Variants in NRXN1 observed in about 807,000 individuals in gnomAD.
NRXN1 encodes neurexin-1.
Under a neutral mutation model 150.9 loss-of-function variants are expected in NRXN1, and 39 were observed. The ratio of observed to expected loss-of-function variants is 0.26; its 90% confidence interval spans 0.20 to 0.34. NRXN1 has a LOEUF of 0.34. Among genes scored for constraint, NRXN1 ranks in the 10% least tolerant of loss-of-function variants. The pLI is 1.00. For synonymous variants in NRXN1, 924 were observed against 757.0 expected (o/e 1.22, Z -3.62); for missense variants, 1,815 against 1,949.9 (o/e 0.93, Z 1.30).
intron 8 of NRXN1, among the ~76,000 whole-genome samples, chr2:50,556,235 A>G (rs976669369): frequency 2.6e-5 from 4 of 152,178 alleles, no homozygotes; most frequent in Non-Finnish European, 5.9e-5. Flanking sequence ...ATCTAGTTCA[A>G]TTAGAATAAT....
intron 17 of NRXN1, among the ~76,000 whole-genome samples, chr2:50,388,864 TA>T (rs200719965): frequency 0.037 from 5,498 of 147,570 alleles, 238 homozygotes; most frequent in East Asian, 0.12. Context: ...AACAGCAAAG[TA>T]AAAAAAAAAA....
chr2:50,667,150 T>C (rs1258253607), intron 5 of NRXN1, among the ~76,000 whole-genome samples: 1 of 150,950 alleles, frequency 6.6e-6, no homozygotes, highest in Admixed American at 6.7e-5. Flanking sequence ...TAAATTGAAA[T>C]ATAAAGAATT....
intron 22 of NRXN1, chr2:49,926,316 A>C: frequency 5.0e-6 from 2 of 398,434 alleles, no homozygotes; most frequent in Admixed American, 4.4e-5. Flanking sequence ...AGTAGTTTTT[A>C]ATCCTTCCTC....
intron 17 of NRXN1, among the ~76,000 whole-genome samples, chr2:50,252,369 C>T (rs998139761): frequency 1.3e-5 from 2 of 149,658 alleles, no homozygotes; most frequent in Non-Finnish European, 3.0e-5. Context: ...AGTGATTCTC[C>T]TGCCTCAGCC....
chr2:50,973,356 G>A (rs1202890845), intron 2 of NRXN1, among the ~76,000 whole-genome samples: 2 of 152,094 alleles, frequency 1.3e-5, no homozygotes, highest in Admixed American at 1.3e-4. Flanking sequence ...ATTCTTACTA[G>A]GGAAGCCAAT....
intron 2 of NRXN1, among the ~76,000 whole-genome samples, chr2:51,017,358 T>G (rs1296360382): frequency 1.3e-5 from 2 of 151,080 alleles, no homozygotes; most frequent in African/African-American, 4.9e-5. Context: ...TTTTAAGAGA[T>G]AGGGTCTTGC....
chr2:50,546,229 G>C (rs2093491121), intron 9 of NRXN1, among the ~76,000 whole-genome samples: 1 of 152,132 alleles, frequency 6.6e-6, no homozygotes. Flanking sequence ...TATTGGCCTG[G>C]GAAGGCTTGA....
chr2:50,433,189 A>T (rs537030725), intron 17 of NRXN1, among the ~76,000 whole-genome samples: 1 of 152,346 alleles, frequency 6.6e-6, no homozygotes, highest in African/African-American at 2.4e-5. Context: ...TGTTTTAGCC[A>T]CTGAGTTAGT....
intron 5 of NRXN1, among the ~76,000 whole-genome samples, chr2:50,703,240 G>C (rs537544422): frequency 5.2e-4 from 79 of 152,176 alleles, no homozygotes; most frequent in Non-Finnish European, 7.4e-4. Flanking sequence ...ACTCCTAATA[G>C]TGAGACAGAA....
chr2:49,999,380 C>T (rs1558664297), intron 21 of NRXN1, among the ~76,000 whole-genome samples: 2 of 152,090 alleles, frequency 1.3e-5, no homozygotes, highest in African/African-American at 4.8e-5. Context: ...TTAATTTCTT[C>T]CTCTCTTATG....
chr2:50,512,620 C>T (rs907526616), intron 12 of NRXN1, among the ~76,000 whole-genome samples: 22 of 152,144 alleles, frequency 1.4e-4, no homozygotes, highest in Admixed American at 3.3e-4. Context: ...CTCTGTCTTC[C>T]TTGTTATTGG....
intron 16 of NRXN1, 105 bp downstream of exon 16, chr2:50,472,193 T>G: frequency 1.1e-6 from 1 of 926,398 alleles, no homozygotes; most frequent in Non-Finnish European, 1.5e-6. Flanking sequence ...AAGCCCAAAT[T>G]GGGTATTTGA....
At chr2:50,674,857 G>C (rs1348863891) in intron 5 of NRXN1, among the ~76,000 whole-genome samples, 1 of 152,038 alleles carries the variant, frequency 6.6e-6, no homozygotes, top group Non-Finnish European at 1.5e-5. Context: ...AGCTATGGAA[G>C]AACTAAATGA....
chr2:50,616,853 G>C (rs953446161), intron 8 of NRXN1, among the ~76,000 whole-genome samples: 3 of 152,172 alleles, frequency 2.0e-5, no homozygotes, highest in Middle Eastern at 3.2e-3. Flanking sequence ...GCCAATAAAT[G>C]AAGTCATAAT....
At chr2:50,394,825 C>T (rs1325248134) in intron 17 of NRXN1, among the ~76,000 whole-genome samples, 1 of 152,082 alleles carries the variant, frequency 6.6e-6, no homozygotes, top group African/African-American at 2.4e-5. Context: ...TCCTGCTCTT[C>T]CTGGCCTCCT....
At chr2:49,974,240 C>G in intron 21 of NRXN1, 3 of 673,170 alleles carry the variant, frequency 4.5e-6, no homozygotes, top group Non-Finnish European at 5.6e-6. Flanking sequence ...GAGCCAATGG[C>G]TGACGCACTA....
chr2:51,025,606 C>A (rs904824179), intron 2 of NRXN1, among the ~76,000 whole-genome samples: 3 of 152,040 alleles, frequency 2.0e-5, no homozygotes, highest in Non-Finnish European at 4.4e-5. Flanking sequence ...TTTAAAGTGG[C>A]ATTAGGATAC....
intron 17 of NRXN1, among the ~76,000 whole-genome samples, chr2:50,437,311 ATTT>A (rs2085530048): frequency 6.6e-6 from 1 of 152,076 alleles, no homozygotes. Context: ...TGGCACCAAG[ATTT>A]TTCTACTCTC....
At chr2:50,842,189 C>A (rs1299780322) in intron 5 of NRXN1, among the ~76,000 whole-genome samples, 1 of 152,150 alleles carries the variant, frequency 6.6e-6, no homozygotes, top group African/African-American at 2.4e-5. Context: ...TAAATCATCA[C>A]CCAACACTTG....
Sources: gnomAD v4.1 joint callset for allele counts (sites outside exome capture counted in the v4.1 genomes callset) on GRCh38, gnomAD v4.1.1 for gene constraint, MANE v1.5 for transcripts, NCBI Gene and HGNC (gene_info 2026-07-23, HGNC 2026-07-21) for gene names.